KCTD1: variants seen among roughly 807,000 people sequenced by gnomAD.
KCTD1 encodes BTB/POZ domain-containing protein KCTD1.
In KCTD1, 24 loss-of-function variants were observed where a neutral mutation model predicts 66.0. That is an observed-to-expected ratio of 0.36 (90% CI 0.26 to 0.51). The LOEUF (loss-of-function observed/expected upper bound fraction) is 0.51. Ranked by LOEUF, KCTD1 falls within the 20% of genes least tolerant of loss-of-function variation. The pLI, the probability that KCTD1 is intolerant of heterozygous loss-of-function variation, is 0.95. For missense variants in KCTD1, 943 were observed against 1,205.2 expected, an observed-to-expected ratio of 0.78 and a Z score of 3.22; for synonymous variants, 511 against 517.2, an observed-to-expected ratio of 0.99 and a Z score of 0.16.
At chr18:26,490,482 G>C (rs1598892786) in intron 2 of KCTD1, among the ~76,000 whole-genome samples, 1 of 152,162 alleles carries the variant, frequency 6.6e-6, no homozygotes, top group East Asian at 1.9e-4. Context: ...TTTCTGGTTT[G>C]TGCCTTGAAT....
chr18:26,463,541 G>T (rs1567955030), intron 3 of KCTD1, among the ~76,000 whole-genome samples: 3 of 146,672 alleles, frequency 2.0e-5, no homozygotes, highest in African/African-American at 7.4e-5. Context: ...TTAGAATACG[G>T]TTTTTTTTTT....
At chr18:26,522,616 ACTT>A (rs1314764280) in intron 1 of KCTD1, among the ~76,000 whole-genome samples, 2 of 152,098 alleles carry the variant, frequency 1.3e-5, no homozygotes, top group Non-Finnish European at 2.9e-5. Flanking sequence ...ACCAACTGTA[ACTT>A]TCTCAGGTTT....
At chr18:26,632,979 A>G (rs1987653632), upstream of KCTD1, among the ~76,000 whole-genome samples, 1 of 152,174 alleles carries the variant, frequency 6.6e-6, no homozygotes, top group Non-Finnish European at 1.5e-5. Context: ...TTAAAATTTC[A>G]TAAGGAATAC....
At chr18:26,569,955 G>C (rs1986065308) in intron 1 of KCTD1, among the ~76,000 whole-genome samples, 1 of 152,108 alleles carries the variant, frequency 6.6e-6, no homozygotes, top group South Asian at 2.1e-4. Flanking sequence ...GGGAGGCCAA[G>C]GTGGGTGGAT....
chr18:26,510,641 A>T (rs970240685), intron 1 of KCTD1, among the ~76,000 whole-genome samples: 3 of 152,222 alleles, frequency 2.0e-5, no homozygotes, highest in African/African-American at 7.2e-5. Flanking sequence ...CCATGAAAAG[A>T]ATGACTATTG....
chr18:26,517,631 TG>T (rs1278706916), intron 1 of KCTD1, among the ~76,000 whole-genome samples: 29 of 121,916 alleles, frequency 2.4e-4, no homozygotes, highest in Admixed American at 1.9e-3. Context: ...CACTCCAGCC[TG>T]GGCAACAAGA....
At chr18:26,628,300 G>A (rs1987545525) in intron 1 of KCTD1, among the ~76,000 whole-genome samples, 1 of 151,886 alleles carries the variant, frequency 6.6e-6, no homozygotes, top group Admixed American at 6.6e-5. Flanking sequence ...ATTTTCATTG[G>A]TAAGATATTA....
chr18:26,561,786 CTCTCTTTCTCT>C (rs1159898659), intron 1 of KCTD1, among the ~76,000 whole-genome samples: 3 of 152,180 alleles, frequency 2.0e-5, no homozygotes, highest in Non-Finnish European at 4.4e-5. Context: ...GCCAAACAGT[CTCTCTTTCTCT>C]AGGAATCAGG....
In KCTD1 at chr18:26,501,242, C is replaced by T; in HGVS notation, c.1818G>A (p.Arg606=). Residue 606 remains arginine, a synonymous_variant, in exon 2 of 5, where the codon CGG becomes CGA. Transcript: ENST00000580059. ...PAIVSPTQDS[R]PNMSRPLITR... ...TGATCAGAGGTCTTGACATATTGGG[C>T]CGACTGTCCTACAGAGAGATAAGCA... The T allele has an allele frequency of 6.2e-7, 1 of 1,613,760 alleles. No individual in the cohort carries two copies. Among genetic ancestry groups the T allele is most frequent in the Non-Finnish European group, 8.5e-7 (1 of 1,179,854 alleles).
chr18:26,550,565 G>GACACACACACACACACACACAC (rs60922405), upstream of KCTD1, among the ~76,000 whole-genome samples: 59 of 140,576 alleles, frequency 4.2e-4, no homozygotes, highest in African/African-American at 1.4e-3. The surrounding 1 kb of genome is among the most constrained non-coding windows in gnomAD (Gnocchi z 5.4). Flanking sequence ...AAGACACACA[G>GACACACACACACACACACACAC]ACACACACAC....
At chr18:26,596,265 GCTCT>G (rs376630903) in intron 1 of KCTD1, among the ~76,000 whole-genome samples, 4 of 150,464 alleles carry the variant, frequency 2.7e-5, no homozygotes, top group African/African-American at 9.8e-5. Context: ...ATACCAGAAA[GCTCT>G]CTCTCTCTCT....
At chr18:26,478,534 A>G (rs1438657584) in intron 2 of KCTD1, among the ~76,000 whole-genome samples, 1 of 152,234 alleles carries the variant, frequency 6.6e-6, no homozygotes, top group Non-Finnish European at 1.5e-5. Flanking sequence ...CTTTAGTAAG[A>G]GAGGAAAAGT....
chr18:26,476,538 G>A lies in KCTD1; in HGVS notation c.2110C>T (p.Leu704Phe). 1 of 1,613,136 alleles carries A rather than the reference G, an allele frequency of 6.2e-7. No individual in the cohort carries two copies. The highest frequency in any genetic ancestry group is 1.7e-5 in the Admixed American group (1 of 59,858). Residue 704 changes from leucine (L) to phenylalanine (F), a missense_variant, in exon 3 of 5, where the codon CTC (leucine) becomes TTC (phenylalanine). Transcript: ENST00000580059. This position sits in a 1 kb window ranked among gnomAD's most constrained non-coding sequence, Gnocchi z 4.9. The part of the protein sequence containing the change: ...YILNFLRTSK[L>F]LIPDDFKDYT... ...ACCTTGAAATCATCAGGAATGAGGA[G>A]TTTGGATGTTCGTAGAAAATTCAAG...
At position 26,547,435 on chromosome 18, in the gene KCTD1, C is replaced by A; in HGVS notation, c.1102G>T (p.Glu368Ter). Residue 368 changes from glutamate (E) to a stop codon, truncating the protein, a stop_gained, in exon 1 of 5, where the codon GAG becomes TAG. Transcript: ENST00000580059. LOFTEE classifies it high-confidence loss of function. ...RSSSWSKKRA[E>*]SSDEENLPRM... is the part of the protein sequence containing the mutation. ...GGCAAGTTCTCCTCGTCGCTGCTCT[C>A]GGCGCGCTTCTTGCTCCACGACGAC... The A allele has an allele frequency of 6.4e-7, 1 of 1,551,396 alleles. No homozygotes were observed. Among genetic ancestry groups the A allele is most frequent in the Non-Finnish European group, 8.7e-7 (1 of 1,146,842 alleles).
intron 1 of KCTD1, chr18:26,599,545 G>T: frequency 6.5e-7 from 1 of 1,534,886 alleles, no homozygotes. Context: ...TGGAAAACAT[G>T]AACCAGCTGT....
chr18:26,586,287 T>C (rs1986470059), intron 1 of KCTD1, among the ~76,000 whole-genome samples: 2 of 152,222 alleles, frequency 1.3e-5, no homozygotes, highest in Non-Finnish European at 2.9e-5. Context: ...TGATCTGTGA[T>C]CAATGACTTG....
intron 2 of KCTD1, among the ~76,000 whole-genome samples, chr18:26,482,757 T>G (rs1472291362): frequency 1.3e-5 from 2 of 152,010 alleles, no homozygotes; most frequent in Admixed American, 6.6e-5. Context: ...TCCCCTGTGG[T>G]CCATGCATGG....
intron 1 of KCTD1, among the ~76,000 whole-genome samples, chr18:26,527,786 G>C (rs1226339517): frequency 6.6e-6 from 1 of 152,156 alleles, no homozygotes; most frequent in African/African-American, 2.4e-5. Flanking sequence ...CATAATTTTT[G>C]TTCAATTTTG....
At chr18:26,651,478 G>C (rs1286450037) in intron 1 of KCTD1, among the ~76,000 whole-genome samples, 2 of 152,146 alleles carry the variant, frequency 1.3e-5, no homozygotes, top group Non-Finnish European at 2.9e-5. Context: ...GGAAGAGTCT[G>C]AGATCTATTT....
Sources: allele counts gnomAD v4.1 joint callset (sites outside exome capture counted in the v4.1 genomes callset), GRCh38; gene constraint gnomAD v4.1.1; non-coding constraint Gnocchi (gnomAD v3.1); transcripts MANE v1.5; gene names NCBI Gene and HGNC (gene_info 2026-07-23, HGNC 2026-07-21).